The following RAB11FIP2 variants were observed in gnomAD, a reference collection of about 807,000 sequenced individuals.
The protein encoded by RAB11FIP2 is rab11 family-interacting protein 2.
In RAB11FIP2, 16 loss-of-function variants were observed where a neutral mutation model predicts 40.9. The observed-to-expected ratio is 0.39, with a 90% CI of 0.26 to 0.59. The LOEUF is 0.59. Among genes scored for constraint, RAB11FIP2 ranks in the 20% least tolerant of loss-of-function variants. The pLI, the probability that RAB11FIP2 is intolerant of heterozygous loss-of-function variation, is 0.53. For missense variants in RAB11FIP2, 532 were observed against 606.2 expected (o/e 0.88, Z 1.28); for synonymous variants, 228 against 213.7 (o/e 1.07, Z -0.58).
rs756526285 is a variant in RAB11FIP2 at position 118,046,121 on chromosome 10, C to A, written c.43G>T (p.Val15Leu). ...EQAQKWFPTHVQVTVLQAKDL... is the reference protein window; with the variant it reads ...EQAQKWFPTHLQVTVLQAKDL... ...TTGGCTTGGAGCACTGTGACCTGCA[C>A]GTGGGTTGGAAACCACTTTTGGGCT... Residue 15 changes from valine (V) to leucine (L), a missense_variant, in exon 1 of 5, where the codon GTG (valine) becomes TTG (leucine). By Grantham distance (32) the Val-to-Leu change is conservative. Coordinates refer to ENST00000355624, the MANE Select transcript of RAB11FIP2 (RefSeq NM_014904.3). 1.9e-6 allele frequency: 3 copies of A among 1,614,064 alleles called. No homozygotes were observed. Among genetic ancestry groups the A allele is most frequent in the Non-Finnish European group, 2.5e-6 (3 of 1,180,030 alleles).
Position 118,039,089 on chromosome 10 carries a change from G to T in RAB11FIP2, c.1148C>A (p.Pro383His). 3 of 1,613,606 alleles carry T rather than the reference G, an allele frequency of 1.9e-6. No homozygotes were observed. The highest frequency in any genetic ancestry group is 2.5e-6 in the Non-Finnish European group (3 of 1,179,716). Residue 383 changes from proline (P) to histidine (H), a missense_variant, in exon 3 of 5, where the codon CCT (proline) becomes CAT (histidine). Pro to His is a moderately conservative substitution (Grantham distance 77, BLOSUM62 -2). Transcript: ENST00000355624. ...DKLNNGGSDS[P>H]CDLKSPNAFS... ...TGCATTAGGTGATTTCAAGTCACAAGGGCTATCAGATCCCCCATTGTTAAG... is the reference window on the plus strand; with the variant it reads ...TGCATTAGGTGATTTCAAGTCACAATGGCTATCAGATCCCCCATTGTTAAG...
chr10:118,035,883 G>A (rs1846475592), intron 3 of RAB11FIP2, among the ~76,000 whole-genome samples: 2 of 152,036 alleles, frequency 1.3e-5, no homozygotes, highest in Non-Finnish European at 2.9e-5. Context: ...AGTAACTTCG[G>A]GGAAAAGTGT....
Position 118,006,808 on chromosome 10 carries a change from T to G in RAB11FIP2, c.*2190A>C, listed in dbSNP as rs555755290. ...AAAGATAAAAATTTTGATTGAGTTA[T>G]AACCAAATCACTCATGTATGAATAA... On this transcript the variant is annotated 3_prime_UTR_variant, in exon 5 of 5. Coordinates refer to ENST00000355624, the MANE Select transcript of RAB11FIP2 (RefSeq NM_014904.3). 2 of 152,236 alleles carry G rather than the reference T, an allele frequency of 1.3e-5. No individual in the cohort carries two copies. Among genetic ancestry groups the G allele is most frequent in the African/African-American group, 4.8e-5 (2 of 41,552 alleles). 9.4% of individuals were successfully genotyped at this position (152,236 alleles called of 1,614,324 possible).
rs187932637 is a variant in RAB11FIP2 at position 118,039,250 on chromosome 10, G to C, written c.987C>G (p.Ser329Arg). 7 of 1,613,042 alleles carry C rather than the reference G, an allele frequency of 4.3e-6. No homozygotes were observed. The change falls in exon 3 of 5, where the codon AGC becomes AGG. Residue 329 changes from serine to arginine, a missense_variant. Ser to Arg is a moderately radical substitution (Grantham distance 110, BLOSUM62 -1). Coordinates refer to ENST00000355624, the MANE Select transcript of RAB11FIP2 (RefSeq NM_014904.3). ...AATTCATGCTGCTGTCCCATGTTTC[G>C]CTGCTTTCTTCAAATGGATTTTTCT... Reference protein sequence around the residue: ...PRKKNPFEESSETWDSSMNLF... With the variant: ...PRKKNPFEESRETWDSSMNLF...
At chr10:118,025,303 A>G (rs1413506480) in intron 3 of RAB11FIP2, among the ~76,000 whole-genome samples, 2 of 152,342 alleles carry the variant, frequency 1.3e-5, no homozygotes, top group Non-Finnish European at 2.9e-5. Context: ...GAAAAAAAAT[A>G]AACTATTCAA....
In RAB11FIP2 at chr10:118,009,224, T is replaced by TC; in HGVS notation, c.1312dup (p.Asp438GlyfsTer6). On this transcript the variant is annotated frameshift_variant and splice_region_variant, in exon 5 of 5. Coordinates refer to ENST00000355624, the MANE Select transcript of RAB11FIP2 (RefSeq NM_014904.3). LOFTEE classifies it high-confidence loss of function. ...TGCAGTGGCATCAAAGGGGTTGCTG[T>TC]CCTAGAACAGGATAAAGACTGTCAC... 1.2e-6 allele frequency: 2 copies of TC among 1,609,092 alleles called. No homozygotes were observed. The highest frequency in any genetic ancestry group is 8.5e-7 in the Non-Finnish European group (1 of 1,175,970).
chr10:118,036,567 G>A (rs1846483587), intron 3 of RAB11FIP2, among the ~76,000 whole-genome samples: 1 of 151,956 alleles, frequency 6.6e-6, no homozygotes, highest in South Asian at 2.1e-4. Context: ...CTCTTCTTGG[G>A]TCTATTTATA....
chr10:118,024,936 A>G (rs527334690), intron 3 of RAB11FIP2, among the ~76,000 whole-genome samples: 1 of 152,278 alleles, frequency 6.6e-6, no homozygotes, highest in Non-Finnish European at 1.5e-5. Flanking sequence ...CCATCTCTGC[A>G]GAGGCTTCAA....
intron 1 of RAB11FIP2, among the ~76,000 whole-genome samples, 184 bp from the exon 2 acceptor site, chr10:118,040,749 T>C (rs1846548303): frequency 6.6e-6 from 1 of 152,158 alleles, no homozygotes. Context: ...AAACTGATCA[T>C]TGTCTCTGTG....
intron 1 of RAB11FIP2, 70 bp from the exon 2 acceptor site, chr10:118,040,635 A>G: frequency 2.6e-6 from 3 of 1,137,338 alleles, no homozygotes; most frequent in African/African-American, 1.6e-5. Flanking sequence ...TGTTACATAC[A>G]AATAGCCTTT....
At chr10:118,038,838 TAATTA>T (rs1307750149) in intron 3 of RAB11FIP2, 129 bp downstream of exon 3, 1 of 694,180 alleles carries the variant, frequency 1.4e-6, no homozygotes, top group Non-Finnish European at 2.2e-6. Flanking sequence ...CTCTATAATT[TAATTA>T]TACAAATAAA....
chr10:118,022,788 A>C (rs1268562164), intron 3 of RAB11FIP2, among the ~76,000 whole-genome samples: 1 of 152,216 alleles, frequency 6.6e-6, no homozygotes, highest in African/African-American at 2.4e-5. Context: ...TGCCAGCATG[A>C]AAAATTCCTA....
At chr10:118,036,431 T>G (rs891147361) in intron 3 of RAB11FIP2, among the ~76,000 whole-genome samples, 8 of 152,120 alleles carry the variant, frequency 5.3e-5, no homozygotes, top group African/African-American at 1.9e-4. Context: ...ATGTCCCAGA[T>G]AGCTGAGGGT....
intron 1 of RAB11FIP2, among the ~76,000 whole-genome samples, chr10:118,042,320 T>G (rs1846571146): frequency 6.6e-6 from 1 of 152,104 alleles, no homozygotes; most frequent in Admixed American, 6.5e-5. Context: ...TCACAGACTT[T>G]TAGAGATAAG....
intron 1 of RAB11FIP2, among the ~76,000 whole-genome samples, chr10:118,042,383 G>T (rs1413890208): frequency 6.6e-6 from 1 of 152,038 alleles, no homozygotes; most frequent in Non-Finnish European, 1.5e-5. Context: ...GGAAATTGAG[G>T]CACAAGGAAT....
chr10:118,024,470 C>CGTGTGTGTGTGTGTGTGTGTGTGTGT (rs55723398), intron 3 of RAB11FIP2, among the ~76,000 whole-genome samples: 1 of 131,726 alleles, frequency 7.6e-6, no homozygotes, highest in East Asian at 2.3e-4. Flanking sequence ...TCATCATCAT[C>CGTGTGTGTGTGTGTGTGTGTGTGTGT]GTGTGTGTGT....
intron 1 of RAB11FIP2, among the ~76,000 whole-genome samples, chr10:118,042,587 A>G (rs1227332371): frequency 6.6e-6 from 1 of 152,176 alleles, no homozygotes; most frequent in Non-Finnish European, 1.5e-5. Context: ...AGAGAAAGAC[A>G]ATGCAAATTT....
rs543876149 is a variant in RAB11FIP2 at position 118,008,419 on chromosome 10, G to C, written c.*579C>G. 2 of 153,418 alleles carry C rather than the reference G, an allele frequency of 1.3e-5. No individual in the cohort carries two copies. The highest frequency in any genetic ancestry group is 4.1e-4 in the South Asian group (2 of 4,860). 9.5% of individuals were successfully genotyped at this position (153,418 alleles called of 1,614,324 possible). A position where few individuals can be genotyped will look rare whatever the true frequency, so the allele number is the denominator to read the frequency against. On this transcript the variant is annotated 3_prime_UTR_variant, in exon 5 of 5. Transcript: ENST00000355624. Reference sequence around the variant, plus strand: ...ACATTTTCAAATCAAGAAATTGGTAGCCTAACTTTAGAGGCAATCAATTGT... The same window carrying C: ...ACATTTTCAAATCAAGAAATTGGTACCCTAACTTTAGAGGCAATCAATTGT...
intron 1 of RAB11FIP2, among the ~76,000 whole-genome samples, chr10:118,044,184 T>A (rs1846597669): frequency 6.6e-6 from 1 of 152,172 alleles, no homozygotes; most frequent in Non-Finnish European, 1.5e-5. Context: ...GAAGAAATTG[T>A]AAAAGGTTAT....
Sources: gnomAD v4.1 joint callset for allele counts (sites outside exome capture counted in the v4.1 genomes callset) on GRCh38, gnomAD v4.1.1 for gene constraint, MANE v1.5 for transcripts, NCBI Gene and HGNC (gene_info 2026-07-23, HGNC 2026-07-21) for gene names.